The following ARID1A variants were observed in gnomAD, a reference collection of about 807,000 sequenced individuals.
The protein encoded by ARID1A is AT-rich interaction domain 1A.
In ARID1A, 20 loss-of-function variants were observed where a neutral mutation model predicts 212.6. The ratio of observed to expected loss-of-function variants is 0.09; its 90% CI spans 0.07 to 0.14. ARID1A has a LOEUF of 0.14. Ranked by LOEUF, ARID1A falls within the 10% of genes least tolerant of loss-of-function variation. The pLI, the probability that ARID1A is intolerant of heterozygous loss-of-function variation, is 1.00. For missense variants in ARID1A, 2,587 were observed against 3,059.0 expected, an observed-to-expected ratio of 0.85 and a Z score of 3.64; for synonymous variants, 1,376 against 1,222.1, an observed-to-expected ratio of 1.13 and a Z score of -2.63.
At chr1:26,703,207 T>G (rs1159964276) in intron 1 of ARID1A, among the ~76,000 whole-genome samples, 3 of 152,210 alleles carry the variant, frequency 2.0e-5, no homozygotes, top group East Asian at 3.8e-4. Flanking sequence ...ACTCACTACA[T>G]CTTACTTGAA....
chr1:26,745,804 C>A (rs1428541679), intron 4 of ARID1A, among the ~76,000 whole-genome samples: 1 of 152,182 alleles, frequency 6.6e-6, no homozygotes, highest in Non-Finnish European at 1.5e-5. Context: ...GTAATCCCAG[C>A]ACTTTGGGAG....
rs1458676411 is a variant in ARID1A at position 26,775,088 on chromosome 1, C to A, written c.4861C>A (p.Pro1621Thr). ...MKMQKAGPPV[P>T]ASHIAPAPVQ... ...AATGCAGAAGGCAGGTCCCCCAGTA[C>A]CTGCCTCGCACATAGCACCTGCCCC... The change falls in exon 18 of 20, where the codon CCT (proline) becomes ACT (threonine). Residue 1621 changes from proline (P) to threonine (T), a missense_variant. By Grantham distance (38) the Pro-to-Thr change is conservative. Transcript: ENST00000324856. 1.2e-6 allele frequency: 2 copies of A among 1,613,984 alleles called. No individual in the cohort carries two copies. The highest frequency in any genetic ancestry group is 1.7e-6 in the Non-Finnish European group (2 of 1,179,992).
rs150606081 is a variant in ARID1A, at chr1:26,779,946, G to A, written c.6048G>A (p.Leu2016=). Residue 2016 remains leucine, a synonymous_variant, in exon 20 of 20, where the codon CTG becomes CTA. Transcript: ENST00000324856. ...GLLLILGKLI[L]LHHKHPERKQ... ...TGCTCATCCTGGGCAAGCTGATCCT[G>A]CTGCACCACAAGCACCCAGAACGGA... 6.8e-6 allele frequency: 11 copies of A among 1,614,058 alleles called. No homozygotes were observed. The highest frequency in any genetic ancestry group is 9.3e-6 in the Non-Finnish European group (11 of 1,180,020).
intron 1 of ARID1A, among the ~76,000 whole-genome samples, chr1:26,706,915 C>T (rs1156316581): frequency 6.6e-6 from 1 of 152,164 alleles, no homozygotes; most frequent in African/African-American, 2.4e-5. Flanking sequence ...AGATTTCTAA[C>T]ATTGTGCTTG....
rs140370375 is a variant in ARID1A, at chr1:26,755,293, A to G, written c.1921-5563A>G. On this transcript the variant is annotated intron_variant, in intron 4 of 19. Coordinates refer to ENST00000324856, the MANE Select transcript of ARID1A (RefSeq NM_006015.6). ...TGGCTCTTAAAATTATTTGAAACCA[A>G]CTATCTGATGCTGACCAGTTGCCAT... Among the ~76,000 whole-genome samples, 202 of 152,314 alleles carry G rather than the reference A, an allele frequency of 1.3e-3. 1 individual carries two copies. Among genetic ancestry groups the G allele is most frequent in the Admixed American group, 3.9e-3 (60 of 15,300 alleles).
chr1:26,776,371 A>T (rs1250881922), intron 19 of ARID1A, among the ~76,000 whole-genome samples: 3 of 150,720 alleles, frequency 2.0e-5, no homozygotes, highest in African/African-American at 7.3e-5. Context: ...CCTCCTGGGT[A>T]CATGCCATTC....
intron 4 of ARID1A, among the ~76,000 whole-genome samples, chr1:26,752,676 G>T (rs1570594798): frequency 2.0e-5 from 3 of 152,248 alleles, no homozygotes; most frequent in Admixed American, 2.0e-4. Context: ...TGTTCTTCAG[G>T]ATTTCCTCCC....
At chr1:26,754,537 G>A (rs764948162) in intron 4 of ARID1A, among the ~76,000 whole-genome samples, 17 of 152,176 alleles carry the variant, frequency 1.1e-4, no homozygotes, top group South Asian at 2.1e-4. Context: ...CATAGACTTA[G>A]ATTTATCCAG....
chr1:26,765,921 A>G (rs946004082), intron 8 of ARID1A: 6 of 281,904 alleles, frequency 2.1e-5, no homozygotes, highest in Admixed American at 9.4e-5. Context: ...CATGCCTCAT[A>G]GTCTTAGGCA....
intron 4 of ARID1A, among the ~76,000 whole-genome samples, chr1:26,745,253 A>T (rs2080825718): frequency 6.6e-6 from 1 of 152,098 alleles, no homozygotes; most frequent in African/African-American, 2.4e-5. Context: ...CTTGAATCAT[A>T]CCCCTAAACC....
intron 1 of ARID1A, among the ~76,000 whole-genome samples, chr1:26,706,291 C>T: frequency 6.6e-6 from 1 of 152,162 alleles, no homozygotes; most frequent in East Asian, 1.9e-4. Context: ...TCACTAGCAG[C>T]CAAGATTTTT....
intron 1 of ARID1A, among the ~76,000 whole-genome samples, chr1:26,720,430 G>A (rs924698142): frequency 4.0e-5 from 6 of 150,282 alleles, no homozygotes; most frequent in African/African-American, 2.5e-5. Flanking sequence ...CTGAGATGGC[G>A]TCATTGCACT....
intron 4 of ARID1A, among the ~76,000 whole-genome samples, chr1:26,742,522 A>T (rs1267828090): frequency 6.6e-6 from 1 of 152,150 alleles, no homozygotes; most frequent in Non-Finnish European, 1.5e-5. Flanking sequence ...AGAAGCACCA[A>T]CATCACCGGG....
chr1:26,767,049 T>C (rs2081045913), intron 10 of ARID1A, among the ~76,000 whole-genome samples: 1 of 152,206 alleles, frequency 6.6e-6, no homozygotes, highest in Non-Finnish European at 1.5e-5. Flanking sequence ...GTCCTGGGTG[T>C]ACTGTTAGGC....
intron 4 of ARID1A, among the ~76,000 whole-genome samples, chr1:26,735,270 T>TTTA (rs1268517056): frequency 1.4e-4 from 21 of 147,940 alleles, no homozygotes; most frequent in African/African-American, 5.0e-4. Context: ...GGTTTACAGG[T>TTTA]GCTCGCCACT....
intron 4 of ARID1A, among the ~76,000 whole-genome samples, chr1:26,759,103 C>T (rs779678450): frequency 5.9e-5 from 9 of 152,176 alleles, no homozygotes; most frequent in Non-Finnish European, 1.0e-4. Context: ...CGATCTTTCC[C>T]GGGTGAGCTT....
intron 1 of ARID1A, among the ~76,000 whole-genome samples, chr1:26,724,673 T>C (rs1163601412): frequency 2.6e-5 from 4 of 152,226 alleles, no homozygotes; most frequent in Admixed American, 6.5e-5. Flanking sequence ...TCAGCCGTTT[T>C]TGGGGGTCAT....
rs1001077507 is a variant in ARID1A at position 26,697,547 on chromosome 1, A to T, written c.1137+7A>T. 3.7e-6 allele frequency: 5 copies of T among 1,357,492 alleles called. No individual in the cohort carries two copies. The highest frequency in any genetic ancestry group is 4.7e-6 in the Non-Finnish European group (5 of 1,064,354). The allele number at this position is 1,357,492 out of a possible 1,614,324, so 84.1% of individuals were successfully genotyped here. A position where few individuals can be genotyped will look rare whatever the true frequency, so the allele number is the denominator to read the frequency against. ...GCTCGCCCGGACCCCTCAGGTACAC[A>T]GCTGAGTGGGGAGGGGGCTGGGGCG... On this transcript the variant is annotated splice_region_variant and intron_variant, in intron 1 of 19. Coordinates refer to ENST00000324856, the MANE Select transcript of ARID1A (RefSeq NM_006015.6).
intron 1 of ARID1A, among the ~76,000 whole-genome samples, chr1:26,721,371 C>T (rs1456293626): frequency 6.6e-6 from 1 of 152,090 alleles, no homozygotes; most frequent in Non-Finnish European, 1.5e-5. Flanking sequence ...GCCATCACAC[C>T]CGGCTAATAT....
Sources: allele counts gnomAD v4.1 joint callset (sites outside exome capture counted in the v4.1 genomes callset), GRCh38; gene constraint gnomAD v4.1.1; transcripts MANE v1.5; gene names NCBI Gene and HGNC (gene_info 2026-07-23, HGNC 2026-07-21).